DOCK4: variants seen among roughly 807,000 people sequenced by gnomAD.
The protein encoded by DOCK4 is dedicator of cytokinesis protein 4.
A neutral mutation model predicts 268.1 loss-of-function variants in DOCK4; 97 were observed. That is an observed-to-expected ratio of 0.36 (90% CI 0.31 to 0.43). The LOEUF is 0.43. Ranked by LOEUF, DOCK4 falls within the 20% of genes least tolerant of loss-of-function variation. The pLI is 1.00. For synonymous variants in DOCK4, 954 were observed against 887.2 expected (o/e 1.08, Z -1.34); for missense variants, 2,145 against 2,455.7 (o/e 0.87, Z 2.67).
At chr7:112,026,865 T>C (rs147113085) in intron 1 of DOCK4, among the ~76,000 whole-genome samples, 9 of 152,290 alleles carry the variant, frequency 5.9e-5, no homozygotes, top group African/African-American at 2.2e-4. Flanking sequence ...GTCATCTCAC[T>C]TCAAGGGCAC....
chr7:112,182,267 T>C (rs6943924), intron 1 of DOCK4, among the ~76,000 whole-genome samples: 4,123 of 152,332 alleles, frequency 0.027, 119 homozygotes, highest in Admixed American at 0.082. Flanking sequence ...TGTTTTCATA[T>C]ACAATTTTTC....
intron 8 of DOCK4, among the ~76,000 whole-genome samples, chr7:111,973,186 T>TATATATATAA (rs1554399511): frequency 8.0e-5 from 11 of 137,562 alleles, no homozygotes; most frequent in East Asian, 2.1e-4. Context: ...TATATATATA[T>TATATATATAA]AATATTTTCT....
chr7:111,835,962 T>G (rs938316093), intron 25 of DOCK4, among the ~76,000 whole-genome samples: 43 of 152,178 alleles, frequency 2.8e-4, no homozygotes, highest in African/African-American at 1.0e-3. Flanking sequence ...AGGGTAAATA[T>G]TCAAGAAACT....
intron 23 of DOCK4, among the ~76,000 whole-genome samples, chr7:111,855,294 T>C (rs957895116): frequency 5.9e-5 from 9 of 152,014 alleles, no homozygotes; most frequent in Non-Finnish European, 1.0e-4. Context: ...CAGAGGCAGC[T>C]CAGAGCAAGT....
intron 22 of DOCK4, among the ~76,000 whole-genome samples, chr7:111,864,734 T>C (rs1167900811): frequency 6.6e-6 from 1 of 152,222 alleles, no homozygotes; most frequent in South Asian, 2.1e-4. Flanking sequence ...AGTTAATAAC[T>C]TGATATTCTC....
chr7:112,197,426 G>A (rs1820549723), intron 1 of DOCK4, among the ~76,000 whole-genome samples: 3 of 151,818 alleles, frequency 2.0e-5, no homozygotes, highest in Non-Finnish European at 2.9e-5. Context: ...AATATTATTC[G>A]TGCACTCTGT....
At chr7:111,941,319 C>T (rs914357258) in intron 10 of DOCK4, among the ~76,000 whole-genome samples, 1 of 152,096 alleles carries the variant, frequency 6.6e-6, no homozygotes, top group Non-Finnish European at 1.5e-5. Context: ...AATATAAATT[C>T]TGTCTGAAAA....
chr7:112,088,787 G>A (rs112281421), intron 1 of DOCK4, among the ~76,000 whole-genome samples: 2 of 152,064 alleles, frequency 1.3e-5, no homozygotes, highest in Admixed American at 6.6e-5. Context: ...GTTGCTCTGT[G>A]CCCTTAGGAA....
chr7:111,877,556 T>C (rs1807007569), intron 16 of DOCK4, among the ~76,000 whole-genome samples: 1 of 152,220 alleles, frequency 6.6e-6, no homozygotes. Flanking sequence ...CAATAAATCA[T>C]ATTTGCAGTG....
At chr7:112,099,837 A>G (rs564323898) in intron 1 of DOCK4, among the ~76,000 whole-genome samples, 1 of 152,350 alleles carries the variant, frequency 6.6e-6, no homozygotes, top group South Asian at 2.1e-4. Context: ...CCATTATAAC[A>G]CATTACTAAT....
intron 25 of DOCK4, among the ~76,000 whole-genome samples, chr7:111,837,710 C>T: frequency 6.6e-6 from 1 of 151,972 alleles, no homozygotes. Context: ...CTGAAGGCTG[C>T]AAAACACTGA....
chr7:111,777,229 C>A (rs1798501028), intron 36 of DOCK4, among the ~76,000 whole-genome samples: 1 of 152,116 alleles, frequency 6.6e-6, no homozygotes, highest in Non-Finnish European at 1.5e-5. Context: ...TGTTCACCTA[C>A]AATACTGTAT....
chr7:112,021,812 G>A (rs147545134), intron 1 of DOCK4, among the ~76,000 whole-genome samples: 4 of 152,164 alleles, frequency 2.6e-5, no homozygotes, highest in African/African-American at 4.8e-5. Context: ...CCCTGTCTAC[G>A]GGTTCTTCCA....
intron 1 of DOCK4, among the ~76,000 whole-genome samples, chr7:112,145,449 T>C (rs993595508): frequency 7.2e-5 from 11 of 152,198 alleles, no homozygotes; most frequent in Non-Finnish European, 1.5e-4. Context: ...GCATATGTTG[T>C]TTGGGAAAAG....
At chr7:112,079,555 C>T (rs954956491) in intron 1 of DOCK4, among the ~76,000 whole-genome samples, 11 of 152,062 alleles carry the variant, frequency 7.2e-5, no homozygotes, top group African/African-American at 2.4e-4. Context: ...CCACAACAAG[C>T]TGAGAGTTGA....
At chr7:112,127,908 A>T (rs2116035515) in intron 1 of DOCK4, among the ~76,000 whole-genome samples, 1 of 152,264 alleles carries the variant, frequency 6.6e-6, no homozygotes. Context: ...GCACACCTGT[A>T]ATTCCAGCTA....
At chr7:112,009,541 T>A (rs1355946584) in intron 1 of DOCK4, among the ~76,000 whole-genome samples, 1 of 152,202 alleles carries the variant, frequency 6.6e-6, no homozygotes, top group Non-Finnish European at 1.5e-5. Context: ...CAGAAGGCAG[T>A]GATGGAGCAG....
intron 8 of DOCK4, among the ~76,000 whole-genome samples, chr7:111,955,995 C>T (rs540300594): frequency 9.9e-5 from 15 of 152,224 alleles, no homozygotes; most frequent in African/African-American, 3.1e-4. Flanking sequence ...AAAATGAGTT[C>T]CTTAGAGAAG....
intron 1 of DOCK4, among the ~76,000 whole-genome samples, chr7:112,163,586 ATTAT>A (rs1817332379): frequency 1.3e-5 from 2 of 148,980 alleles, no homozygotes; most frequent in Admixed American, 1.3e-4. Flanking sequence ...TATTTATTTA[ATTAT>A]TTATTTAACA....
Sources: gnomAD v4.1 joint callset for allele counts (sites outside exome capture counted in the v4.1 genomes callset) on GRCh38, gnomAD v4.1.1 for gene constraint, MANE v1.5 for transcripts, NCBI Gene and HGNC (gene_info 2026-07-23, HGNC 2026-07-21) for gene names.